KIAA1671: variants seen among roughly 807,000 people sequenced by gnomAD.
KIAA1671 encodes the protein KIAA1671, also known as uncharacterized protein KIAA1671.
Under a neutral mutation model 131.2 loss-of-function variants are expected in KIAA1671, and 52 were observed. The ratio of observed to expected loss-of-function variants is 0.40; its 90% CI spans 0.32 to 0.50. KIAA1671 has a LOEUF of 0.50. KIAA1671 is among the 20% of genes least tolerant of loss of function. The pLI is 0.73. For missense variants in KIAA1671, 2,360 were observed against 2,364.2 expected, an observed-to-expected ratio of 1.00 and a Z score of 0.04; for synonymous variants, 1,003 against 961.6, an observed-to-expected ratio of 1.04 and a Z score of -0.80.
chr22:25,130,140 A>G (rs971209440), intron 6 of KIAA1671, among the ~76,000 whole-genome samples: 1 of 152,256 alleles, frequency 6.6e-6, no homozygotes, highest in Non-Finnish European at 1.5e-5. Context: ...GCTATCTTAT[A>G]AGAATATTAT....
At chr22:25,015,966 C>G (rs978184165) in intron 1 of KIAA1671, among the ~76,000 whole-genome samples, 6 of 152,184 alleles carry the variant, frequency 3.9e-5, no homozygotes, top group Non-Finnish European at 7.4e-5. Flanking sequence ...ATTTAACTCC[C>G]TCAACTATTT....
chr22:25,171,917 G>T (rs928129112), intron 7 of KIAA1671, among the ~76,000 whole-genome samples: 1 of 152,124 alleles, frequency 6.6e-6, no homozygotes, highest in African/African-American at 2.4e-5. Flanking sequence ...TGACTGTCCT[G>T]CATGTGACCA....
chr22:24,965,276 A>G (rs1434560686), intron 1 of KIAA1671, among the ~76,000 whole-genome samples: 1 of 151,818 alleles, frequency 6.6e-6, no homozygotes, highest in Non-Finnish European at 1.5e-5. Flanking sequence ...TTAGCCAGGC[A>G]TGGTGGCGTA....
intron 1 of KIAA1671, among the ~76,000 whole-genome samples, chr22:24,954,775 T>A (rs1921600506): frequency 6.6e-6 from 1 of 152,056 alleles, no homozygotes; most frequent in Non-Finnish European, 1.5e-5. Context: ...TTGTTTTGTT[T>A]TGTTTTGTTT....
At chr22:25,095,645 C>T (rs1229715098) in intron 6 of KIAA1671, among the ~76,000 whole-genome samples, 1 of 152,030 alleles carries the variant, frequency 6.6e-6, no homozygotes, top group Admixed American at 6.6e-5. Flanking sequence ...TGTGAGGCCA[C>T]ATCTCAAAAA....
intron 7 of KIAA1671, 79 bp downstream of exon 7, chr22:25,171,017 T>G: frequency 9.0e-7 from 1 of 1,112,776 alleles, no homozygotes; most frequent in South Asian, 1.3e-5. Context: ...ACCTCCTGAT[T>G]TCTATATTGC....
chr22:25,093,884 CT>C (rs1930272081), intron 6 of KIAA1671, among the ~76,000 whole-genome samples: 2 of 122,174 alleles, frequency 1.6e-5, no homozygotes, highest in South Asian at 5.8e-4. Context: ...CTCTCTCTCT[CT>C]CCCTTCTGCT....
At chr22:25,086,478 A>G (rs1209501341) in intron 6 of KIAA1671, among the ~76,000 whole-genome samples, 1 of 152,206 alleles carries the variant, frequency 6.6e-6, no homozygotes, top group Non-Finnish European at 1.5e-5. Context: ...AGAGGAATGT[A>G]TCTCGTTCAT....
At chr22:25,153,965 C>T (rs933954974) in intron 6 of KIAA1671, among the ~76,000 whole-genome samples, 1 of 152,226 alleles carries the variant, frequency 6.6e-6, no homozygotes, top group African/African-American at 2.4e-5. Context: ...AGCTGACATC[C>T]TAGCACCTCA....
intron 4 of KIAA1671, among the ~76,000 whole-genome samples, chr22:25,036,057 C>T (rs1395825057): frequency 8.6e-5 from 13 of 152,044 alleles, no homozygotes; most frequent in African/African-American, 9.7e-5. Flanking sequence ...GGCAACAGAG[C>T]GAGATGCTGT....
intron 1 of KIAA1671, among the ~76,000 whole-genome samples, chr22:24,956,048 G>GAA (rs1215329956): frequency 1.3e-5 from 2 of 149,870 alleles, no homozygotes; most frequent in Non-Finnish European, 3.0e-5. Flanking sequence ...AAAAAGAAAA[G>GAA]AAAAAAGAAA....
At chr22:25,109,265 G>A (rs1931206557) in intron 6 of KIAA1671, among the ~76,000 whole-genome samples, 1 of 151,982 alleles carries the variant, frequency 6.6e-6, no homozygotes, top group Admixed American at 6.6e-5. Context: ...GCCTGCCACT[G>A]TGCCCGGCTA....
Position 25,029,172 on chromosome 22 carries a change from G to A in KIAA1671, c.1173G>A (p.Lys391=). Residue 391 remains lysine (K), a synonymous_variant, in exon 3 of 13, where the codon AAG becomes AAA. Coordinates refer to ENST00000358431, the MANE Select transcript of KIAA1671 (RefSeq NM_001145206.2). ...AGAGTCCCTGGGAAGAAAAGGCCAA[G>A]CTGGACCCAGAGCCAGAGAAGGCTG... ...NDQSPWEEKA[K]LDPEPEKAAE... 6.9e-7 allele frequency: 1 copy of A among 1,456,800 alleles called. No individual in the cohort carries two copies. The highest frequency in any genetic ancestry group is 9.1e-7 in the Non-Finnish European group (1 of 1,102,108). 90.2% of individuals were successfully genotyped at this position (1,456,800 alleles called of 1,614,324 possible).
chr22:25,021,776 C>G (rs1925680521), intron 1 of KIAA1671, among the ~76,000 whole-genome samples: 1 of 152,086 alleles, frequency 6.6e-6, no homozygotes, highest in African/African-American at 2.4e-5. Flanking sequence ...TTTGCCAATC[C>G]GTTCCTGGCT....
chr22:25,146,116 G>A (rs1327447812), intron 6 of KIAA1671, among the ~76,000 whole-genome samples: 2 of 152,180 alleles, frequency 1.3e-5, no homozygotes. Context: ...CTAGTTAGAA[G>A]GCCCTTTGAG....
chr22:25,165,987 T>G (rs1368625883), intron 6 of KIAA1671, among the ~76,000 whole-genome samples: 1 of 152,128 alleles, frequency 6.6e-6, no homozygotes, highest in African/African-American at 2.4e-5. Flanking sequence ...ACCCTTTCCC[T>G]AACCCCAGCC....
At chr22:25,099,985 A>C (rs537729288) in intron 6 of KIAA1671, among the ~76,000 whole-genome samples, 1 of 152,290 alleles carries the variant, frequency 6.6e-6, no homozygotes, top group African/African-American at 2.4e-5. Flanking sequence ...CTGAGGCAGG[A>C]GAAGGTGGTG....
intron 1 of KIAA1671, among the ~76,000 whole-genome samples, chr22:24,953,416 G>A (rs1245043446): frequency 2.0e-5 from 3 of 152,052 alleles, no homozygotes; most frequent in African/African-American, 7.2e-5. Context: ...GCGGTGGTTC[G>A]GGGGGCGTGA....
intron 6 of KIAA1671, among the ~76,000 whole-genome samples, chr22:25,074,865 T>C (rs1168023554): frequency 6.6e-6 from 1 of 152,220 alleles, no homozygotes; most frequent in Non-Finnish European, 1.5e-5. Context: ...CTTTATGGGA[T>C]ACTGGTTTCA....
Sources: allele counts gnomAD v4.1 joint callset (sites outside exome capture counted in the v4.1 genomes callset), GRCh38; gene constraint gnomAD v4.1.1; transcripts MANE v1.5; gene names NCBI Gene and HGNC (gene_info 2026-07-23, HGNC 2026-07-21).